The following PARVB variants were observed in gnomAD, a reference collection of about 807,000 sequenced individuals.
The protein encoded by PARVB is beta-parvin.
PARVB carries 46 observed loss-of-function variants against 47.0 expected under a neutral mutation model. The observed-to-expected ratio is 0.98, with a 90% CI of 0.77 to 1.25. The LOEUF (loss-of-function observed/expected upper bound fraction) is 1.25, where lower values mean the gene tolerates loss of function less well. Ranked by LOEUF, PARVB falls within the 50% of genes most tolerant of loss-of-function variation. The pLI is 0.00. For missense variants in PARVB, 473 were observed against 471.6 expected, an observed-to-expected ratio of 1.00 and a Z score of -0.03; for synonymous variants, 196 against 196.3, an observed-to-expected ratio of 1.00 and a Z score of 0.01.
At chr22:44,040,351 A>G (rs566502741) in intron 1 of PARVB, among the ~76,000 whole-genome samples, 71 of 152,342 alleles carry the variant, frequency 4.7e-4, no homozygotes, top group Middle Eastern at 6.8e-3. Flanking sequence ...AAAAATGTCT[A>G]TATTCCAATA....
chr22:44,063,043 C>T (rs1164919982), intron 1 of PARVB, among the ~76,000 whole-genome samples: 1 of 152,072 alleles, frequency 6.6e-6, no homozygotes, highest in African/African-American at 2.4e-5. Flanking sequence ...AGAGTCACCT[C>T]ATTAGAATAA....
At chr22:44,134,964 A>C (rs2267616) in intron 6 of PARVB, among the ~76,000 whole-genome samples, 18,656 of 152,246 alleles carry the variant, frequency 0.12, 1,651 homozygotes, top group South Asian at 0.27. Context: ...AGGTGAACAC[A>C]ATGTCTGGAC....
intron 1 of PARVB, among the ~76,000 whole-genome samples, chr22:44,048,208 A>G (rs938698513): frequency 6.6e-6 from 1 of 152,220 alleles, no homozygotes; most frequent in Non-Finnish European, 1.5e-5. Context: ...CTGGGGCCTG[A>G]AAGCCTGGTG....
At chr22:44,070,776 T>C (rs1165525978) in intron 1 of PARVB, among the ~76,000 whole-genome samples, 1 of 152,176 alleles carries the variant, frequency 6.6e-6, no homozygotes, top group Non-Finnish European at 1.5e-5. Context: ...GGATGGGGCT[T>C]GGCGGCTGGA....
At chr22:43,999,228 G>C in exon 1 of PARVB, 1 of 817,214 alleles carries the variant, frequency 1.2e-6, no homozygotes, top group South Asian at 1.8e-5. Flanking sequence ...CCTACACTTT[G>C]ACGTCCTCCC....
At chr22:44,036,554 A>G (rs1046602037) in intron 1 of PARVB, among the ~76,000 whole-genome samples, 3 of 152,132 alleles carry the variant, frequency 2.0e-5, no homozygotes, top group Non-Finnish European at 4.4e-5. Flanking sequence ...AAATTTTCCA[A>G]TATGTTTATT....
chr22:44,015,835 CA>C (rs2050570936), intron 2 of PARVB, among the ~76,000 whole-genome samples: 1 of 151,886 alleles, frequency 6.6e-6, no homozygotes, highest in African/African-American at 2.4e-5. Flanking sequence ...AACAAACAAA[CA>C]AAAAAAGATT....
intron 8 of PARVB, chr22:44,141,306 T>C (rs2053547301): frequency 6.6e-6 from 1 of 152,242 alleles, no homozygotes; most frequent in Non-Finnish European, 1.5e-5. Context: ...GGGTATTAAC[T>C]CACACGATCA....
chr22:44,048,557 T>G (rs924736284), intron 1 of PARVB, among the ~76,000 whole-genome samples: 1 of 151,560 alleles, frequency 6.6e-6, no homozygotes, highest in African/African-American at 2.4e-5. Flanking sequence ...TTTTTTAATT[T>G]TATTTTTATT....
intron 1 of PARVB, among the ~76,000 whole-genome samples, chr22:44,058,487 T>C (rs977747189): frequency 6.6e-6 from 1 of 151,930 alleles, no homozygotes; most frequent in Non-Finnish European, 1.5e-5. Flanking sequence ...TGATTACATC[T>C]GCAAAGACCC....
intron 2 of PARVB, among the ~76,000 whole-genome samples, chr22:44,007,311 C>T (rs1014223081): frequency 6.6e-6 from 1 of 152,214 alleles, no homozygotes; most frequent in East Asian, 1.9e-4. Context: ...TCCGAGAAGC[C>T]CATCCTTTCC....
At chr22:44,129,714 G>A (rs1186392700) in intron 4 of PARVB, among the ~76,000 whole-genome samples, 4 of 152,252 alleles carry the variant, frequency 2.6e-5, no homozygotes, top group African/African-American at 9.6e-5. Context: ...AGGGAAATCA[G>A]ATGAATAAGC....
At position 44,131,643 on chromosome 22, in the gene PARVB, C is replaced by A; in HGVS notation, c.517+16C>A. ...AGCGTGGACTGTGAGTTCCACGCCA[C>A]AGGGGGAGGGACTGTCTGGAGGGAG... On this transcript the variant is annotated intron_variant, in intron 5 of 12. Transcript: ENST00000338758. 1 of 1,602,940 alleles carries A rather than the reference C, an allele frequency of 6.2e-7. No homozygotes were observed. Among genetic ancestry groups the A allele is most frequent in the Non-Finnish European group, 8.5e-7 (1 of 1,174,980 alleles).
chr22:44,053,350 G>A (rs1367923782), intron 1 of PARVB, among the ~76,000 whole-genome samples: 3 of 152,124 alleles, frequency 2.0e-5, no homozygotes, highest in African/African-American at 7.2e-5. Context: ...CCAAAGTGCT[G>A]GGATTACAGG....
intron 1 of PARVB, among the ~76,000 whole-genome samples, chr22:44,075,645 C>G (rs956768663): frequency 6.6e-6 from 1 of 152,246 alleles, no homozygotes; most frequent in Non-Finnish European, 1.5e-5. Flanking sequence ...CTTTCACTGT[C>G]TCCGTAGTTT....
chr22:44,037,387 T>C (rs1239317773), intron 1 of PARVB, among the ~76,000 whole-genome samples: 1 of 152,132 alleles, frequency 6.6e-6, no homozygotes, highest in East Asian at 1.9e-4. Flanking sequence ...CGTGCCACTT[T>C]GCTCCAGCCT....
upstream of PARVB, chr22:44,024,247 G>C (rs1172839263): frequency 1.7e-6 from 1 of 601,358 alleles, no homozygotes; most frequent in Admixed American, 6.5e-5. Context: ...ACCGGGGCGG[G>C]GGCCGGCGGC....
chr22:44,066,996 T>G (rs1217589886), intron 1 of PARVB, among the ~76,000 whole-genome samples: 1 of 152,102 alleles, frequency 6.6e-6, no homozygotes. Flanking sequence ...ACTACAGGTA[T>G]GTGCCATTGT....
chr22:44,032,491 T>G (rs1279529439), intron 1 of PARVB, among the ~76,000 whole-genome samples: 1 of 152,042 alleles, frequency 6.6e-6, no homozygotes, highest in Non-Finnish European at 1.5e-5. Context: ...GCTGCTGAGT[T>G]TGCCCTGGTT....
Sources: gnomAD v4.1 joint callset for allele counts (sites outside exome capture counted in the v4.1 genomes callset) on GRCh38, gnomAD v4.1.1 for gene constraint, MANE v1.5 for transcripts, NCBI Gene and HGNC (gene_info 2026-07-23, HGNC 2026-07-21) for gene names.